Variants in GUCY2C observed in about 807,000 individuals in gnomAD.
GUCY2C encodes the protein guanylyl cyclase C.
Under a neutral mutation model 131.1 loss-of-function variants are expected in GUCY2C, and 118 were observed. The observed-to-expected ratio is 0.90, with a 90% CI of 0.78 to 1.05. The LOEUF is 1.05. GUCY2C is among the 50% of genes least tolerant of loss of function. The probability of loss-of-function intolerance (pLI) is 0.00; values close to 1 mark genes in which losing one functional copy is unlikely to be tolerated. For synonymous variants in GUCY2C, 452 were observed against 457.8 expected (o/e 0.99, Z 0.16); for missense variants, 1,161 against 1,304.4 (o/e 0.89, Z 1.69).
At chr12:14,682,521 T>C (rs1439151567) in intron 4 of GUCY2C, among the ~76,000 whole-genome samples, 1 of 152,198 alleles carries the variant, frequency 6.6e-6, no homozygotes, top group Admixed American at 6.5e-5. Flanking sequence ...AGTTACCCAG[T>C]CTCGAGCAGT....
In GUCY2C at chr12:14,613,018, T is replaced by C. The variant is rs1352395183; in HGVS notation, c.*99A>G. On this transcript the variant is annotated 3_prime_UTR_variant, in exon 27 of 27. Transcript: ENST00000261170. This position sits in a 1 kb window ranked among gnomAD's most constrained non-coding sequence, Gnocchi z 4.9. ...CAAGCCTAAGTACATTTCTGCTTCA[T>C]TGAGGTCTCAGGAAAATGTAAGCTT... is the stretch of plus-strand genomic sequence containing the variant. 1.2e-5 allele frequency: 11 copies of C among 948,790 alleles called. No individual in the cohort carries two copies. The highest frequency in any genetic ancestry group is 2.4e-5 in the East Asian group (1 of 41,726). The allele number at this position is 948,790 out of a possible 1,614,324, so 58.8% of individuals were successfully genotyped here. A position where few individuals can be genotyped will look rare whatever the true frequency, so the allele number is the denominator to read the frequency against.
At chr12:14,688,097 A>G in intron 1 of GUCY2C, 34 bp from the exon 2 acceptor site, 1 of 1,262,428 alleles carries the variant, frequency 7.9e-7, no homozygotes, top group Non-Finnish European at 1.2e-6. Flanking sequence ...ATAGAACACT[A>G]GTGTTATTTT....
rs4764105 is a variant in GUCY2C at position 14,628,569 on chromosome 12, A to T, written c.2249+77T>A. ...TCACTGGAATAGACATTCTCATTCT[A>T]AGGTGCCACTGAATGTCAACTATAA... is the stretch of plus-strand genomic sequence containing the variant. On this transcript the variant is annotated intron_variant, in intron 20 of 26. Coordinates refer to ENST00000261170, the MANE Select transcript of GUCY2C (RefSeq NM_004963.4). 790,468 of 808,022 alleles carry T rather than the reference A, an allele frequency of 0.98. 388,075 individuals carry two copies. The highest frequency in any genetic ancestry group is 1 in the Non-Finnish European group (454,072 of 454,558). 50.1% of individuals were successfully genotyped at this position (808,022 alleles called of 1,614,324 possible).
chr12:14,639,578 G>A (rs765195159), intron 19 of GUCY2C, among the ~76,000 whole-genome samples: 2 of 152,214 alleles, frequency 1.3e-5, no homozygotes, highest in Non-Finnish European at 2.9e-5. Flanking sequence ...ATAGAAAGGT[G>A]ACAGAGGGAG....
chr12:14,623,226 C>T (rs905733645), intron 21 of GUCY2C, among the ~76,000 whole-genome samples: 1 of 152,174 alleles, frequency 6.6e-6, no homozygotes, highest in Non-Finnish European at 1.5e-5. Flanking sequence ...TTTTGCATTA[C>T]ACTCCCTGCA....
At chr12:14,646,010 AT>A (rs1947515782) in intron 15 of GUCY2C, among the ~76,000 whole-genome samples, 2 of 151,658 alleles carry the variant, frequency 1.3e-5, no homozygotes, top group African/African-American at 4.8e-5. Context: ...TAACTTTTGT[AT>A]TTTTACTAGA....
At chr12:14,621,343 A>G in intron 22 of GUCY2C, 127 bp from the exon 23 acceptor site, 1 of 786,006 alleles carries the variant, frequency 1.3e-6, no homozygotes, top group Non-Finnish European at 2.1e-6. Flanking sequence ...AGCCCTTTAC[A>G]CTTTTTCTGG....
intron 1 of GUCY2C, among the ~76,000 whole-genome samples, chr12:14,695,269 C>G (rs1462636021): frequency 1.3e-5 from 2 of 151,998 alleles, no homozygotes; most frequent in Non-Finnish European, 1.5e-5. Flanking sequence ...CTTTTTTTCC[C>G]CCTTTATTTT....
At position 14,641,173 on chromosome 12, in the gene GUCY2C, C is replaced by T; in HGVS notation, c.1977G>A (p.Gln659=). Residue 659 remains glutamine (Q), a synonymous_variant, in exon 18 of 27, where the codon CAG becomes CAA. Transcript: ENST00000261170. ...PEHLRQANIS[Q]KGDVYSYGII... is the part of the protein sequence containing the mutation. Reference sequence around the variant, plus strand: ...TCCCATAGCTGTACACATCTCCTTTCTGAGAGATGTTGGCTTGGCGGAGGT... The same window carrying T: ...TCCCATAGCTGTACACATCTCCTTTTTGAGAGATGTTGGCTTGGCGGAGGT... The T allele has an allele frequency of 6.2e-7, 1 of 1,613,032 alleles. No individual in the cohort carries two copies. Among genetic ancestry groups the T allele is most frequent in the Non-Finnish European group, 8.5e-7 (1 of 1,179,214 alleles).
chr12:14,633,177 G>A (rs1199790396), intron 19 of GUCY2C, among the ~76,000 whole-genome samples: 6 of 152,172 alleles, frequency 3.9e-5, no homozygotes, highest in African/African-American at 1.4e-4. Flanking sequence ...CCCAAGGACA[G>A]CTTATGCTGG....
chr12:14,622,270 G>A (rs2136983323), intron 21 of GUCY2C, 73 bp from the exon 22 acceptor site: 1 of 950,498 alleles, frequency 1.1e-6, no homozygotes, highest in Non-Finnish European at 1.5e-6. Flanking sequence ...AATCTTTCAG[G>A]TAGTAGTGAT....
chr12:14,696,434 C>A lies in GUCY2C; in HGVS notation c.15G>T (p.Leu5=). 6.2e-7 allele frequency: 1 copy of A among 1,613,680 alleles called. No individual in the cohort carries two copies. The highest frequency in any genetic ancestry group is 8.5e-7 in the Non-Finnish European group (1 of 1,179,778). ...GCAGTGACCACAAAGCCAAGTCCAA[C>A]AGCAACGTCTTCATGACCCCAATCA... MKTL[L]LDLALWSLLF... The change falls in exon 1 of 27, where the codon CTG becomes CTT. Residue 5 remains leucine, a synonymous_variant. Coordinates refer to ENST00000261170, the MANE Select transcript of GUCY2C (RefSeq NM_004963.4).
In GUCY2C at chr12:14,666,844, C is replaced by G. The variant is rs867735309; in HGVS notation, c.1282+2878G>C. ...CTTTTTAACTCCTATATTATTGCTT[C>G]ATTGGTAAAGTTTAGAGCTAAATGT... On this transcript the variant is annotated intron_variant, in intron 10 of 26. Coordinates refer to ENST00000261170, the MANE Select transcript of GUCY2C (RefSeq NM_004963.4). 1.1e-4 allele frequency among the ~76,000 whole-genome samples: 16 copies of G among 152,180 alleles called. No individual in the cohort carries two copies. The East Asian group carries it at 2.3e-3, about 22-fold the overall frequency.
chr12:14,688,564 G>A (rs1355216329), intron 1 of GUCY2C, among the ~76,000 whole-genome samples: 1 of 152,220 alleles, frequency 6.6e-6, no homozygotes, highest in Non-Finnish European at 1.5e-5. Context: ...GGAGGCTGCA[G>A]TCTTCCTTGG....
At chr12:14,660,063 G>A (rs753633159) in intron 11 of GUCY2C, among the ~76,000 whole-genome samples, 5 of 152,154 alleles carry the variant, frequency 3.3e-5, no homozygotes, top group East Asian at 1.9e-4. Flanking sequence ...GGAGCCAAGC[G>A]GTGTTGTCAG....
rs139338247 is a variant in GUCY2C, at chr12:14,671,628, A to G, written c.1170+1245T>C. Among the ~76,000 whole-genome samples, 38 of 152,316 alleles carry G rather than the reference A, an allele frequency of 2.5e-4. 1 individual carries two copies. In the East Asian group the frequency reaches 6.9e-3, roughly 28 times the overall value. On this transcript the variant is annotated intron_variant, in intron 9 of 26. Transcript: ENST00000261170. ...CAACCGATGGTACTACATTATTGAA[A>G]AATTCACCCGAATTTGCTTATAGAG...
chr12:14,648,659 A>G (rs531289764), intron 15 of GUCY2C, among the ~76,000 whole-genome samples: 2 of 152,304 alleles, frequency 1.3e-5, no homozygotes, highest in Non-Finnish European at 2.9e-5. Flanking sequence ...ACGATGGCAT[A>G]TGTATTCCCA....
At chr12:14,679,389 G>T (rs1264329027) in intron 6 of GUCY2C, among the ~76,000 whole-genome samples, 3 of 152,116 alleles carry the variant, frequency 2.0e-5, no homozygotes, top group African/African-American at 7.2e-5. Context: ...GACTGAGCAG[G>T]CCTCAGTCAT....
At position 14,644,331 on chromosome 12, in the gene GUCY2C, A is replaced by G. The variant is rs567106113; in HGVS notation, c.1798-625T>C. Among the ~76,000 whole-genome samples the G allele has an allele frequency of 3.9e-5, 6 of 152,214 alleles. No individual in the cohort carries two copies. In the East Asian group the frequency reaches 1.2e-3, roughly 29 times the overall value. Reference sequence around the variant, plus strand: ...CAGTGAGCTGAGATCGCGCCACTGTACTCCAGCCTGGGTGACACAGTGAGA... The same window carrying G: ...CAGTGAGCTGAGATCGCGCCACTGTGCTCCAGCCTGGGTGACACAGTGAGA... On this transcript the variant is annotated intron_variant, in intron 16 of 26. Transcript: ENST00000261170.
Sources: allele counts gnomAD v4.1 joint callset (sites outside exome capture counted in the v4.1 genomes callset), GRCh38; gene constraint gnomAD v4.1.1; non-coding constraint Gnocchi (gnomAD v3.1); transcripts MANE v1.5; gene names NCBI Gene and HGNC (gene_info 2026-07-23, HGNC 2026-07-21).